The following PRKDC variants were observed in gnomAD, a reference collection of about 807,000 sequenced individuals.
The protein encoded by PRKDC is DNA-dependent protein kinase catalytic subunit.
PRKDC carries 82 observed loss-of-function variants against 486.9 expected under a neutral mutation model. That is an observed-to-expected ratio of 0.17 (90% CI 0.14 to 0.20). PRKDC has a LOEUF of 0.20. Ranked by LOEUF, PRKDC falls within the 10% of genes least tolerant of loss-of-function variation. The pLI is 1.00. For synonymous variants in PRKDC, 1,895 were observed against 1,837.0 expected (o/e 1.03, Z -0.81); for missense variants, 4,504 against 5,038.2 (o/e 0.89, Z 3.21).
chr8:47,911,143 C>G (rs1316553484), intron 25 of PRKDC, among the ~76,000 whole-genome samples: 2 of 152,180 alleles, frequency 1.3e-5, no homozygotes, highest in East Asian at 1.9e-4. Context: ...GATATCCTAG[C>G]CTTACTGGCC....
chr8:47,834,457 G>A, intron 58 of PRKDC, 61 bp from the exon 59 acceptor site: 1 of 1,557,116 alleles, frequency 6.4e-7, no homozygotes, highest in Admixed American at 1.7e-5. Context: ...GCACGGGGCA[G>A]GACCACCTGC....
intron 25 of PRKDC, among the ~76,000 whole-genome samples, chr8:47,912,083 T>C (rs750941370): frequency 6.6e-6 from 1 of 152,062 alleles, no homozygotes; most frequent in Non-Finnish European, 1.5e-5. Context: ...TGGTTATTTC[T>C]CTCTTCTTCC....
chr8:47,940,833 T>C (rs1445292830), intron 10 of PRKDC, among the ~76,000 whole-genome samples: 1 of 152,168 alleles, frequency 6.6e-6, no homozygotes, highest in Admixed American at 6.5e-5. Flanking sequence ...TATATTACAC[T>C]GCCACTGAAA....
intron 74 of PRKDC, among the ~76,000 whole-genome samples, chr8:47,792,875 A>G (rs1177585573): frequency 6.6e-6 from 1 of 152,232 alleles, no homozygotes; most frequent in African/African-American, 2.4e-5. Context: ...ATGAAAGAAA[A>G]GGTCACTTTT....
chr8:47,821,509 T>G (rs2087594975), intron 65 of PRKDC, 95 bp downstream of exon 65: 6 of 1,211,132 alleles, frequency 5.0e-6, no homozygotes, highest in Non-Finnish European at 7.1e-6. Context: ...GCTTCACAAG[T>G]ACTACCTGTT....
At chr8:47,800,347 C>A (rs889307623) in intron 71 of PRKDC, among the ~76,000 whole-genome samples, 20 of 151,888 alleles carry the variant, frequency 1.3e-4, no homozygotes, top group African/African-American at 4.6e-4. Context: ...TCTCAGTAAA[C>A]TATCGCAAGG....
Position 47,803,467 on chromosome 8 carries a change from A to C in PRKDC, c.9761T>G (p.Leu3254Arg), listed in dbSNP as rs2087152009. 2 of 1,613,842 alleles carry C rather than the reference A, an allele frequency of 1.2e-6. No individual in the cohort carries two copies. Among genetic ancestry groups the C allele is most frequent in the Non-Finnish European group, 1.7e-6 (2 of 1,179,846 alleles). ...DSARKQNNFS[L>R]AMKLLKELHK... The stretch of plus-strand genomic sequence containing the variant: ...CAGCTCCTTCAGTAGTTTCATAGCA[A>C]GTGAGAAATTGTTCTGTATGAATAC... Residue 3254 changes from leucine (L) to arginine (R), a missense_variant, in exon 70 of 86, where the codon CTT becomes CGT. Leu to Arg is a moderately radical substitution (Grantham distance 102). Transcript: ENST00000314191.
At chr8:47,828,075 A>G in intron 62 of PRKDC, 93 bp downstream of exon 62, 1 of 1,238,714 alleles carries the variant, frequency 8.1e-7, no homozygotes, top group Admixed American at 2.5e-5. Context: ...CAGGTTATCA[A>G]GAGTCTCAAC....
At chr8:47,958,736 CTTT>C (rs35991452) in intron 1 of PRKDC, among the ~76,000 whole-genome samples, 1 of 138,536 alleles carries the variant, frequency 7.2e-6, no homozygotes. Flanking sequence ...TATATAGCAT[CTTT>C]TTTTTTTTTT....
chr8:47,828,484 TAGC>T, intron 61 of PRKDC, 137 bp from the exon 62 acceptor site: 1 of 687,020 alleles, frequency 1.5e-6, no homozygotes, highest in Non-Finnish European at 2.3e-6. Context: ...TGGAAAGACT[TAGC>T]AGGCATTGAC....
intron 70 of PRKDC, among the ~76,000 whole-genome samples, chr8:47,801,356 G>A (rs772126892): frequency 1.3e-5 from 2 of 152,168 alleles, no homozygotes; most frequent in Non-Finnish European, 2.9e-5. Context: ...ACAAGTGTGA[G>A]CCAACATGCT....
chr8:47,792,444 G>A (rs1254210060), intron 74 of PRKDC, among the ~76,000 whole-genome samples: 3 of 151,992 alleles, frequency 2.0e-5, no homozygotes, highest in African/African-American at 4.8e-5. Context: ...ATTTTTAGTA[G>A]AGATGGGGTT....
chr8:47,888,231 A>G (rs2089378355), intron 34 of PRKDC, among the ~76,000 whole-genome samples: 1 of 152,220 alleles, frequency 6.6e-6, no homozygotes, highest in Non-Finnish European at 1.5e-5. Context: ...CCACAAAGGC[A>G]CAACAGCAGT....
Position 47,953,744 on chromosome 8 carries a change from G to A in PRKDC, c.622-25C>T, listed in dbSNP as rs773737186. The A allele has an allele frequency of 3.8e-6, 6 of 1,593,112 alleles. No individual in the cohort carries two copies. The African/African-American group carries it at 6.7e-5, about 18-fold the overall frequency. On this transcript the variant is annotated intron_variant, in intron 6 of 85. Transcript: ENST00000314191. The stretch of plus-strand genomic sequence containing the variant: ...TCTAAAAGAAAAGATTTAAGAAGAT[G>A]TCATTACAAGAGAAAAACACAACCA...
At chr8:47,791,307 C>G (rs1451770656) in intron 74 of PRKDC, among the ~76,000 whole-genome samples, 1 of 151,858 alleles carries the variant, frequency 6.6e-6, no homozygotes, top group African/African-American at 2.4e-5. Flanking sequence ...AAACCCTGTC[C>G]CTACTAAAAA....
intron 27 of PRKDC, among the ~76,000 whole-genome samples, chr8:47,901,340 G>A (rs1459513353): frequency 6.6e-6 from 1 of 151,758 alleles, no homozygotes; most frequent in Non-Finnish European, 1.5e-5. Flanking sequence ...CATGCGTAGT[G>A]GCGGGCGCCT....
At chr8:47,928,689 ATTGTT>A (rs1053498761) in intron 19 of PRKDC, among the ~76,000 whole-genome samples, 2 of 150,710 alleles carry the variant, frequency 1.3e-5, no homozygotes, top group Non-Finnish European at 3.0e-5. Context: ...ACCTGACACA[ATTGTT>A]TTTTTTTGAG....
chr8:47,887,523 A>G (rs1366866867), intron 35 of PRKDC, 24 bp downstream of exon 35: 1 of 1,545,554 alleles, frequency 6.5e-7, no homozygotes, highest in Non-Finnish European at 8.7e-7. Context: ...AGGGGAGTGC[A>G]GCATGCAGAG....
intron 45 of PRKDC, among the ~76,000 whole-genome samples, chr8:47,860,660 C>G (rs561397852): frequency 6.6e-6 from 1 of 152,228 alleles, no homozygotes; most frequent in Non-Finnish European, 1.5e-5. Context: ...ATCTGAACCC[C>G]GTCTGGCCAC....
Sources: allele counts gnomAD v4.1 joint callset (sites outside exome capture counted in the v4.1 genomes callset), GRCh38; gene constraint gnomAD v4.1.1; transcripts MANE v1.5; gene names NCBI Gene and HGNC (gene_info 2026-07-23, HGNC 2026-07-21).